FLNB: variants seen among roughly 807,000 people sequenced by gnomAD.
FLNB encodes the protein filamin-B.
FLNB carries 111 observed loss-of-function variants against 250.6 expected under a neutral mutation model. The ratio of observed to expected loss-of-function variants is 0.44; its 90% confidence interval spans 0.38 to 0.52. The LOEUF (loss-of-function observed/expected upper bound fraction) is 0.52. FLNB is among the 20% of genes least tolerant of loss of function. The probability of loss-of-function intolerance (pLI) is 0.00; values close to 1 mark genes in which losing one functional copy is unlikely to be tolerated. For missense variants in FLNB, 2,869 were observed against 3,447.8 expected (o/e 0.83, Z 4.20); for synonymous variants, 1,302 against 1,372.1 (o/e 0.95, Z 1.13).
At chr3:58,094,745 ATC>A in intron 4 of FLNB, 89 bp from the exon 5 acceptor site, 3 of 1,079,820 alleles carry the variant, frequency 2.8e-6, no homozygotes, top group Non-Finnish European at 4.3e-6. Context: ...GCTGGGTCCC[ATC>A]TCTCAGTTCC....
Position 58,146,959 on chromosome 3 carries a change from C to G in FLNB, c.5694C>G (p.His1898Gln). Residue 1898 changes from histidine to glutamine, a missense_variant, in exon 34 of 46, where the codon CAC becomes CAG. Around this residue, in one of 5 missense-constraint regions of FLNB, gnomAD observed 1,084 missense variants for 1,315.5 expected, o/e 0.82. Coordinates refer to ENST00000295956, the MANE Select transcript of FLNB (RefSeq NM_001457.4). ...YSILVKYNDK[H>Q]IPGSPFTAKI... ...TTCTGGTCAAGTACAATGACAAGCACATCCCTGGCAGCCCCTTCACAGCCA... is the reference window on the plus strand; with the variant it reads ...TTCTGGTCAAGTACAATGACAAGCAGATCCCTGGCAGCCCCTTCACAGCCA... 6.2e-7 allele frequency: 1 copy of G among 1,614,176 alleles called. No homozygotes were observed.
At chr3:58,105,442 A>G (rs903831628) in intron 11 of FLNB, among the ~76,000 whole-genome samples, 1 of 152,204 alleles carries the variant, frequency 6.6e-6, no homozygotes, top group Non-Finnish European at 1.5e-5. Context: ...TTATGTGGGT[A>G]TTGTGCCTAA....
chr3:58,022,409 A>G (rs1233673897), intron 1 of FLNB, among the ~76,000 whole-genome samples: 1 of 152,180 alleles, frequency 6.6e-6, no homozygotes, highest in Admixed American at 6.5e-5. Flanking sequence ...GCTGAACTTA[A>G]AGAACTCAGC....
At position 58,109,670 on chromosome 3, in the gene FLNB, T is replaced by G; in HGVS notation, c.2294T>G (p.Phe765Cys). ...SGLKANEPTH[F>C]TVDCTEAGEG... ...CTGAAGGCAAATGAACCTACACACTTCACGGTGGACTGTACTGAGGCTGGG... is the reference window on the plus strand; with the variant it reads ...CTGAAGGCAAATGAACCTACACACTGCACGGTGGACTGTACTGAGGCTGGG... The change falls in exon 15 of 46, where the codon TTC (phenylalanine) becomes TGC (cysteine). Residue 765 changes from phenylalanine (F) to cysteine (C), a missense_variant. Around this residue, in one of 5 missense-constraint regions of FLNB, gnomAD observed 1,348 missense variants for 1,466.7 expected, o/e 0.92. Coordinates refer to ENST00000295956, the MANE Select transcript of FLNB (RefSeq NM_001457.4). 1 of 1,614,086 alleles carries G rather than the reference T, an allele frequency of 6.2e-7. No individual in the cohort carries two copies. The highest frequency in any genetic ancestry group is 1.1e-5 in the South Asian group (1 of 91,062).
chr3:58,083,986 G>A (rs955938437), intron 4 of FLNB, among the ~76,000 whole-genome samples: 2 of 151,994 alleles, frequency 1.3e-5, no homozygotes, highest in African/African-American at 4.8e-5. Context: ...AAGGTCAGAA[G>A]ATTGAGACCA....
intron 11 of FLNB, 28 bp from the exon 12 acceptor site, chr3:58,106,652 G>A (rs1405302709): frequency 1.2e-6 from 2 of 1,608,756 alleles, no homozygotes; most frequent in Non-Finnish European, 1.7e-6. Context: ...CATATAACCA[G>A]GGAGACCCTT....
rs118185199 is a variant in FLNB, at chr3:58,052,763, A to G, written c.293-24283A>G. Among the ~76,000 whole-genome samples the G allele has an allele frequency of 1.1e-3, 169 of 152,280 alleles. 3 individuals are homozygous for G. The East Asian group carries it at 0.028, about 25-fold the overall frequency. On this transcript the variant is annotated intron_variant, in intron 1 of 45. Transcript: ENST00000295956. ...CTGGGCACAGCATAGGAGCAGTACT[A>G]ATGATATGGACAGTATGCTCAGAGG...
At chr3:58,143,639 G>A (rs2097330931) in intron 32 of FLNB, 26 bp downstream of exon 32, 4 of 1,613,134 alleles carry the variant, frequency 2.5e-6, no homozygotes, top group African/African-American at 2.7e-5. Flanking sequence ...AGGCCCAGCA[G>A]GGCTCCACCA....
In FLNB at chr3:58,121,504, G is replaced by A; in HGVS notation, c.3126+1G>A. On this transcript the variant is annotated splice_donor_variant, in intron 20 of 45. Transcript: ENST00000295956. LOFTEE classifies it high-confidence loss of function. ...CTCGCTGCCACCAGATCCCAGCAAG[G>A]TCAGCCTTTGCTTTTGTCCCAGAAC... The A allele has an allele frequency of 6.2e-7, 1 of 1,613,850 alleles. No homozygotes were observed. The highest frequency in any genetic ancestry group is 8.5e-7 in the Non-Finnish European group (1 of 1,180,022).
intron 24 of FLNB, 66 bp downstream of exon 24, chr3:58,126,828 G>C: frequency 6.7e-7 from 1 of 1,490,732 alleles, no homozygotes; most frequent in African/African-American, 1.4e-5. Flanking sequence ...GTTTGATTTT[G>C]GTTATCTCTC....
At chr3:58,155,714 T>C (rs1225560544) in intron 40 of FLNB, among the ~76,000 whole-genome samples, 1 of 152,186 alleles carries the variant, frequency 6.6e-6, no homozygotes, top group African/African-American at 2.4e-5. Flanking sequence ...TTGAAGTCCA[T>C]GGATCTGCTG....
chr3:58,070,660 CTTTT>C (rs1202591087), intron 1 of FLNB, among the ~76,000 whole-genome samples: 3 of 89,654 alleles, frequency 3.3e-5, no homozygotes, highest in African/African-American at 6.5e-5. Context: ...CTCTCTCTCT[CTTTT>C]TTTTTTTTTT....
chr3:58,008,801 T>C lies in FLNB; in HGVS notation c.237T>C (p.Asn79=), dbSNP rs2097093987. The change falls in exon 1 of 46, where the codon AAT becomes AAC. Residue 79 remains asparagine (N), a synonymous_variant. Transcript: ENST00000295956. ...RPTFRQMQLE[N]VSVALEFLDR... is the part of the protein sequence containing the mutation. ...CCTTTCGCCAGATGCAGCTCGAGAA[T>C]GTGTCCGTGGCGCTCGAGTTCCTGG... 2 of 1,613,920 alleles carry C rather than the reference T, an allele frequency of 1.2e-6. No individual in the cohort carries two copies. Among genetic ancestry groups the C allele is most frequent in the East Asian group, 2.2e-5 (1 of 44,874 alleles).
At chr3:58,051,399 C>T (rs1208059191) in intron 1 of FLNB, among the ~76,000 whole-genome samples, 3 of 152,166 alleles carry the variant, frequency 2.0e-5, no homozygotes, top group African/African-American at 4.8e-5. Flanking sequence ...GGAGGCTTTG[C>T]GCAATAGCCT....
intron 41 of FLNB, 37 bp from the exon 42 acceptor site, chr3:58,159,517 C>G (rs1052746604): frequency 6.2e-7 from 1 of 1,612,898 alleles, no homozygotes; most frequent in African/African-American, 1.3e-5. Flanking sequence ...GCAGGAACGC[C>G]GAGGGCCATA....
At chr3:58,085,208 G>T (rs1247676331) in intron 4 of FLNB, among the ~76,000 whole-genome samples, 1 of 152,218 alleles carries the variant, frequency 6.6e-6, no homozygotes, top group Non-Finnish European at 1.5e-5. Context: ...AGTGGAATTG[G>T]TGGATCATAT....
chr3:58,168,510 C>A lies in FLNB; in HGVS notation c.7269C>A (p.Gly2423=), dbSNP rs756040657. The A allele has an allele frequency of 6.2e-7, 1 of 1,614,178 alleles. No individual in the cohort carries two copies. Among genetic ancestry groups the A allele is most frequent in the South Asian group, 1.1e-5 (1 of 91,090 alleles). The change falls in exon 44 of 46, where the codon GGC becomes GGA. Residue 2423 remains glycine (G), a synonymous_variant. Coordinates refer to ENST00000295956, the MANE Select transcript of FLNB (RefSeq NM_001457.4). ...GGACATTATCCGTCACCATCGAAGG[C>A]CCATCCAAGGTTAAAATGGATTGCC... ...GPGTLSVTIE[G]PSKVKMDCQE...
At chr3:58,057,104 TA>T (rs1217003944) in intron 1 of FLNB, among the ~76,000 whole-genome samples, 3 of 152,112 alleles carry the variant, frequency 2.0e-5, no homozygotes, top group Non-Finnish European at 4.4e-5. Flanking sequence ...GTCTCCTGAG[TA>T]GCTGGGACTA....
At chr3:58,078,867 T>C (rs767004566) in intron 3 of FLNB, 53 bp downstream of exon 3, 16 of 1,394,148 alleles carry the variant, frequency 1.1e-5, no homozygotes, top group Non-Finnish European at 1.4e-5. Flanking sequence ...ACTAGCTTGT[T>C]CTGTGGATGC....
Sources: gnomAD v4.1 joint callset for allele counts (sites outside exome capture counted in the v4.1 genomes callset) on GRCh38, gnomAD v4.1.1 for gene constraint, gnomAD v4.1.1 regional missense constraint, MANE v1.5 for transcripts, NCBI Gene and HGNC (gene_info 2026-07-23, HGNC 2026-07-21) for gene names.